The following UGT1A3 variants were observed in gnomAD, a reference collection of about 807,000 sequenced individuals.
UGT1A3 encodes UDP-glucuronosyltransferase 1A3.
In UGT1A3, 31 loss-of-function variants were observed where a neutral mutation model predicts 41.0. That is an observed-to-expected ratio of 0.76 (90% confidence interval 0.57 to 1.02). The LOEUF (loss-of-function observed/expected upper bound fraction) is 1.02, where lower values mean the gene tolerates loss of function less well. UGT1A3 is among the 50% of genes least tolerant of loss of function. The probability of loss-of-function intolerance (pLI) is 0.00; values close to 1 mark genes in which losing one functional copy is unlikely to be tolerated. For missense variants in UGT1A3, 737 were observed against 671.0 expected, an observed-to-expected ratio of 1.10 and a Z score of -1.09; for synonymous variants, 262 against 257.6, an observed-to-expected ratio of 1.02 and a Z score of -0.17.
chr2:233,739,980 C>T (rs1169628941), intron 1 of UGT1A3, among the ~76,000 whole-genome samples: 1 of 151,792 alleles, frequency 6.6e-6, no homozygotes, highest in Non-Finnish European at 1.5e-5. Flanking sequence ...GGCAGTTTTC[C>T]CCATGCTGTT....
At chr2:233,754,654 T>C (rs1182813950) in intron 1 of UGT1A3, 3 of 457,300 alleles carry the variant, frequency 6.6e-6, no homozygotes, top group Admixed American at 4.9e-5. Context: ...TCAATGATTC[T>C]CTTGGTGGTG....
chr2:233,757,558 A>ATATATATATATATATATATATATC (rs1553619909), intron 1 of UGT1A3, among the ~76,000 whole-genome samples: 1 of 124,446 alleles, frequency 8.0e-6, no homozygotes, highest in African/African-American at 3.3e-5. Context: ...ATATATATAT[A>ATATATATATATATATATATATATC]TATGTATATA....
At chr2:233,761,081 C>T in intron 1 of UGT1A3, 2 of 1,614,180 alleles carry the variant, frequency 1.2e-6, no homozygotes, top group Non-Finnish European at 1.7e-6. Flanking sequence ...AAGGATTACC[C>T]TAGGCCCATC....
intron 1 of UGT1A3, among the ~76,000 whole-genome samples, chr2:233,751,390 T>C (rs1694715648): frequency 6.6e-6 from 1 of 152,170 alleles, no homozygotes; most frequent in Non-Finnish European, 1.5e-5. Flanking sequence ...TTGTCTCAGA[T>C]AAGACTTTGG....
intron 1 of UGT1A3, among the ~76,000 whole-genome samples, chr2:233,731,510 C>T (rs1236819305): frequency 6.6e-6 from 1 of 152,156 alleles, no homozygotes; most frequent in African/African-American, 2.4e-5. Context: ...GTTCAGTTCC[C>T]ACCTATGAGT....
At chr2:233,736,545 G>A (rs1335002348) in intron 1 of UGT1A3, among the ~76,000 whole-genome samples, 1 of 152,160 alleles carries the variant, frequency 6.6e-6, no homozygotes, top group Non-Finnish European at 1.5e-5. Context: ...TTCCAGCTTT[G>A]CTCCATTGCT....
intron 1 of UGT1A3, chr2:233,740,934 T>G (rs1244691991): frequency 6.6e-6 from 1 of 151,802 alleles, no homozygotes; most frequent in East Asian, 1.9e-4. Flanking sequence ...AAAGTTTTTT[T>G]TTTAATTAGC....
intron 1 of UGT1A3, among the ~76,000 whole-genome samples, chr2:233,749,397 T>C (rs756585861): frequency 1.2e-4 from 18 of 151,970 alleles, no homozygotes; most frequent in Admixed American, 2.0e-4. Context: ...TGTGAACATA[T>C]TCTCTAGTGT....
At position 233,769,954 on chromosome 2, in the gene UGT1A3, T is replaced by G. The variant is rs1348335811; in HGVS notation, c.1307+1515T>G. 3 of 220,032 alleles carry G rather than the reference T, an allele frequency of 1.4e-5. No individual in the cohort carries two copies. The highest frequency in any genetic ancestry group is 2.3e-5 in the African/African-American group (1 of 44,160). The allele number at this position is 220,032 out of a possible 1,614,324, so 13.6% of individuals were successfully genotyped here. Reference sequence around the variant, plus strand: ...CCCATTCCTTCCTTCCAGCGGCTTCTTCTGGCCACCTCAATGTCAGGATGT... The same window carrying G: ...CCCATTCCTTCCTTCCAGCGGCTTCGTCTGGCCACCTCAATGTCAGGATGT... On this transcript the variant is annotated intron_variant, in intron 4 of 4. Coordinates refer to ENST00000482026, the MANE Select transcript of UGT1A3 (RefSeq NM_019093.4). This position sits in a 1 kb window ranked among gnomAD's most constrained non-coding sequence, Gnocchi z 4.4.
intron 1 of UGT1A3, among the ~76,000 whole-genome samples, chr2:233,737,258 C>A (rs552536149): frequency 6.6e-6 from 1 of 152,360 alleles, no homozygotes; most frequent in Admixed American, 6.5e-5. Context: ...CAAGCCTCAG[C>A]AATGGCGGAC....
chr2:233,742,329 G>T (rs1030248524), intron 1 of UGT1A3, among the ~76,000 whole-genome samples: 2 of 151,942 alleles, frequency 1.3e-5, no homozygotes, highest in Non-Finnish European at 2.9e-5. Context: ...GGGAAACAAA[G>T]GGATGGGCTC....
intron 1 of UGT1A3, among the ~76,000 whole-genome samples, chr2:233,764,036 G>A (rs905956037): frequency 6.6e-6 from 1 of 152,136 alleles, no homozygotes; most frequent in South Asian, 2.1e-4. Flanking sequence ...TGCTAAAGAA[G>A]AATTCTGGGA....
At chr2:233,746,789 T>C (rs1693473913) in intron 1 of UGT1A3, among the ~76,000 whole-genome samples, 1 of 151,828 alleles carries the variant, frequency 6.6e-6, no homozygotes, top group South Asian at 2.1e-4. Context: ...TCTGTTGTAA[T>C]TCATGAGCGT....
At chr2:233,760,129 C>T (rs1575768749) in intron 1 of UGT1A3, 2 of 1,354,926 alleles carry the variant, frequency 1.5e-6, no homozygotes, top group Non-Finnish European at 2.0e-6. Flanking sequence ...GCTCCACCTT[C>T]TTTATCTCTG....
intron 1 of UGT1A3, among the ~76,000 whole-genome samples, chr2:233,764,468 T>G (rs553812675): frequency 1.3e-5 from 2 of 152,324 alleles, no homozygotes; most frequent in Middle Eastern, 6.8e-3. Context: ...GATCTCCTGC[T>G]ATTTAACTTC....
At chr2:233,737,053 G>A (rs2078838819) in intron 1 of UGT1A3, among the ~76,000 whole-genome samples, 1 of 152,218 alleles carries the variant, frequency 6.6e-6, no homozygotes, top group Non-Finnish European at 1.5e-5. Context: ...CATACTAGGA[G>A]AACGAGTGCT....
chr2:233,770,228 A>T (rs1355142630), intron 4 of UGT1A3: 1 of 152,236 alleles, frequency 6.6e-6, no homozygotes, highest in Non-Finnish European at 1.5e-5. Context: ...TCTGATTGTG[A>T]ATCTCCATGA....
intron 1 of UGT1A3, chr2:233,748,079 G>C: frequency 6.2e-7 from 1 of 1,613,192 alleles, no homozygotes; most frequent in Non-Finnish European, 8.5e-7. Context: ...CACTATCTCA[G>C]GTCGGTGTTC....
At chr2:233,765,924 G>A (rs1285485148) in intron 1 of UGT1A3, among the ~76,000 whole-genome samples, 9 of 152,180 alleles carry the variant, frequency 5.9e-5, no homozygotes, top group Middle Eastern at 3.4e-3. Context: ...GCATACAGAC[G>A]GGCAGGTTGT....
Sources: gnomAD v4.1 joint callset for allele counts (sites outside exome capture counted in the v4.1 genomes callset) on GRCh38, gnomAD v4.1.1 for gene constraint, Gnocchi (gnomAD v3.1) non-coding constraint, MANE v1.5 for transcripts, NCBI Gene and HGNC (gene_info 2026-07-23, HGNC 2026-07-21) for gene names.